The following USP47 variants were observed in gnomAD, a reference collection of about 807,000 sequenced individuals.
USP47 encodes the protein ubiquitin specific peptidase 47.
USP47 carries 35 observed loss-of-function variants against 165.1 expected under a neutral mutation model. That is an observed-to-expected ratio of 0.21 (90% confidence interval 0.16 to 0.28). The LOEUF (loss-of-function observed/expected upper bound fraction) is 0.28. Among genes scored for constraint, USP47 ranks in the 10% least tolerant of loss-of-function variants. The pLI, the probability that USP47 is intolerant of heterozygous loss-of-function variation, is 1.00. For missense variants in USP47, 1,277 were observed against 1,607.4 expected, an observed-to-expected ratio of 0.79 and a Z score of 3.52; for synonymous variants, 531 against 544.5, an observed-to-expected ratio of 0.98 and a Z score of 0.35.
rs550658833 is a variant in USP47 at position 11,934,179 on chromosome 11, A to C, written c.1869+244A>C. On this transcript the variant is annotated intron_variant, in intron 16 of 27. Transcript: ENST00000527733. ...TCCCAGAATTAAAATTAGGAACAGA[A>C]TGTTTATTTGCTCTTTCTATTCATT... is the stretch of plus-strand genomic sequence containing the variant. Among the ~76,000 whole-genome samples, 170 of 152,244 alleles carry C rather than the reference A, an allele frequency of 1.1e-3. 1 individual carries two copies. The highest frequency in any genetic ancestry group is 1.4e-3 in the South Asian group (7 of 4,832).
At chr11:11,911,215 C>T (rs1852955159) in intron 8 of USP47, among the ~76,000 whole-genome samples, 1 of 152,050 alleles carries the variant, frequency 6.6e-6, no homozygotes, top group Non-Finnish European at 1.5e-5. Context: ...AAATATATAT[C>T]CTCAAGGACT....
intron 4 of USP47, among the ~76,000 whole-genome samples, chr11:11,893,382 A>G (rs1363229795): frequency 6.6e-6 from 1 of 152,210 alleles, no homozygotes; most frequent in African/African-American, 2.4e-5. Flanking sequence ...TACATTACAA[A>G]TATCAGTGTA....
chr11:11,955,597 T>C (rs1179931392), intron 27 of USP47, among the ~76,000 whole-genome samples: 1 of 152,232 alleles, frequency 6.6e-6, no homozygotes, highest in Non-Finnish European at 1.5e-5. Flanking sequence ...GGAAAAAGAA[T>C]AGTCATTGGA....
At position 11,880,371 on chromosome 11, in the gene USP47, T is replaced by C. The variant is rs1239095034; in HGVS notation, c.234T>C (p.Thr78=). The change falls in exon 2 of 28, where the codon ACT becomes ACC. Residue 78 remains threonine (T), a synonymous_variant. Transcript: ENST00000527733. ...TGGTGTGGGGAAATGGAATCAATAC[T>C]GCTGATATGGTAAAATCCTAGACTT... ...FDLVWGNGIN[T]ADMAPLDHTS... is the part of the protein sequence containing the mutation. 1.5e-6 allele frequency: 2 copies of C among 1,316,712 alleles called. No homozygotes were observed. Among genetic ancestry groups the C allele is most frequent in the Non-Finnish European group, 9.7e-7 (1 of 1,036,132 alleles). 81.6% of individuals were successfully genotyped at this position (1,316,712 alleles called of 1,614,324 possible).
intron 1 of USP47, chr11:11,878,598 G>A (rs1427954593): frequency 6.6e-6 from 1 of 151,768 alleles, no homozygotes; most frequent in Non-Finnish European, 1.5e-5. Flanking sequence ...TGTTAATAAT[G>A]TTCTTTTGTT....
intron 1 of USP47, 32 bp from the exon 2 acceptor site, chr11:11,880,145 T>C: frequency 2.2e-6 from 3 of 1,391,958 alleles, no homozygotes; most frequent in African/African-American, 1.5e-5. Flanking sequence ...TTAAAGATAA[T>C]ATATAAAGTC....
chr11:11,885,863 G>A (rs1447052463), intron 3 of USP47, among the ~76,000 whole-genome samples: 2 of 152,080 alleles, frequency 1.3e-5, no homozygotes, highest in East Asian at 3.9e-4. Context: ...GGACCCCCTG[G>A]GACAGAGTTT....
At chr11:11,948,588 G>T (rs1856006468) in intron 22 of USP47, 30 bp downstream of exon 22, 1 of 1,532,394 alleles carries the variant, frequency 6.5e-7, no homozygotes, top group East Asian at 2.3e-5. Context: ...ATAATATAAG[G>T]TTACTTTTTA....
intron 2 of USP47, among the ~76,000 whole-genome samples, chr11:11,881,978 G>A (rs955093532): frequency 2.6e-5 from 4 of 152,128 alleles, no homozygotes; most frequent in African/African-American, 9.7e-5. Flanking sequence ...TAAGGAAGAA[G>A]ACCATTGAGT....
chr11:11,894,197 T>C (rs951493646), intron 4 of USP47, among the ~76,000 whole-genome samples: 1 of 152,090 alleles, frequency 6.6e-6, no homozygotes, highest in Non-Finnish European at 1.5e-5. Flanking sequence ...TGGCTCACTG[T>C]TATAATCCCA....
At chr11:11,883,590 C>T (rs895643842) in intron 2 of USP47, among the ~76,000 whole-genome samples, 1 of 152,126 alleles carries the variant, frequency 6.6e-6, no homozygotes, top group Admixed American at 6.5e-5. Context: ...GGAGACTCTG[C>T]CCATGTCTTT....
At chr11:11,936,572 T>C (rs555606254) in intron 17 of USP47, 62 bp downstream of exon 17, 3 of 1,335,244 alleles carry the variant, frequency 2.2e-6, no homozygotes, top group South Asian at 1.8e-5. Flanking sequence ...GAAAGTTTTT[T>C]TTTTTATTGT....
chr11:11,873,502 T>C (rs1343400580), intron 1 of USP47, among the ~76,000 whole-genome samples: 1 of 152,102 alleles, frequency 6.6e-6, no homozygotes, highest in African/African-American at 2.4e-5. Context: ...GCAGAATTTC[T>C]TTACTGGACA....
intron 11 of USP47, among the ~76,000 whole-genome samples, chr11:11,923,529 A>T (rs1854018023): frequency 6.6e-6 from 1 of 152,056 alleles, no homozygotes; most frequent in South Asian, 2.1e-4. Context: ...CAATAACTTT[A>T]AGGGTTTTTT....
intron 4 of USP47, among the ~76,000 whole-genome samples, chr11:11,894,916 T>C (rs764743750): frequency 6.6e-6 from 1 of 152,198 alleles, no homozygotes; most frequent in Non-Finnish European, 1.5e-5. Flanking sequence ...ATCTTTCCTC[T>C]ATATGTGTAC....
At chr11:11,938,152 G>A in intron 17 of USP47, 105 bp from the exon 18 acceptor site, 1 of 884,182 alleles carries the variant, frequency 1.1e-6, no homozygotes, top group Non-Finnish European at 1.8e-6. Flanking sequence ...GTACTTGGAA[G>A]TTTGGATTTG....
chr11:11,875,369 T>A (rs1320597223), intron 1 of USP47, among the ~76,000 whole-genome samples: 3 of 152,172 alleles, frequency 2.0e-5, no homozygotes. Context: ...ACAAAAATTA[T>A]GATGTTATCA....
rs1243801700 is a variant in USP47, at chr11:11,959,493, C to G, written c.*3318C>G. On this transcript the variant is annotated 3_prime_UTR_variant, in exon 28 of 28. Transcript: ENST00000527733. ...AAAGGAGTTCATGGCCCAAATGAAG[C>G]TTGTGGCCACCTAGGTTTAGTGTAC... Among the ~76,000 whole-genome samples, 3 of 152,138 alleles carry G rather than the reference C, an allele frequency of 2.0e-5. No individual in the cohort carries two copies. In the East Asian group the frequency reaches 5.8e-4, roughly 29 times the overall value.
rs902698110 is a variant in USP47 at position 11,905,193 on chromosome 11, G to A, written c.820-206G>A. Among the ~76,000 whole-genome samples, 8 of 149,694 alleles carry A rather than the reference G, an allele frequency of 5.3e-5. No homozygotes were observed. The East Asian group carries it at 9.7e-4, about 18-fold the overall frequency. ...TTATTGATTTTAGGTTATTTGTGTT[G>A]TTTTGATTTTTTCTATAAAATTTTA... On this transcript the variant is annotated intron_variant, in intron 7 of 27. Transcript: ENST00000527733.
Sources: gnomAD v4.1 joint callset for allele counts (sites outside exome capture counted in the v4.1 genomes callset) on GRCh38, gnomAD v4.1.1 for gene constraint, MANE v1.5 for transcripts, NCBI Gene and HGNC (gene_info 2026-07-23, HGNC 2026-07-21) for gene names.